Variants in UBE4B observed in about 807,000 individuals in gnomAD.
The protein encoded by UBE4B is ubiquitination factor E4B, also known as ubiquitin conjugation factor E4 B.
UBE4B carries 27 observed loss-of-function variants against 148.1 expected under a neutral mutation model. That is an observed-to-expected ratio of 0.18 (90% CI 0.13 to 0.25). The LOEUF (loss-of-function observed/expected upper bound fraction) is 0.25, where lower values mean the gene tolerates loss of function less well. UBE4B is among the 10% of genes least tolerant of loss of function. The pLI, the probability that UBE4B is intolerant of heterozygous loss-of-function variation, is 1.00. For synonymous variants in UBE4B, 596 were observed against 619.3 expected, an observed-to-expected ratio of 0.96 and a Z score of 0.56; for missense variants, 1,170 against 1,662.4, an observed-to-expected ratio of 0.70 and a Z score of 5.15.
At chr1:10,117,622 TAAA>T (rs77011101) in intron 8 of UBE4B, 22 bp downstream of exon 8, 3 of 1,211,640 alleles carry the variant, frequency 2.5e-6, no homozygotes, top group South Asian at 3.1e-5. Flanking sequence ...TGGATTAACT[TAAA>T]AAAAAAAAAG....
At chr1:10,105,825 G>C (rs944389960) in intron 6 of UBE4B, 81 bp downstream of exon 6, 7 of 1,337,092 alleles carry the variant, frequency 5.2e-6, no homozygotes, top group Non-Finnish European at 7.3e-6. Context: ...TTTGTTGACA[G>C]TGTTAATCAG....
At chr1:10,068,176 C>T (rs1180262100) in intron 1 of UBE4B, among the ~76,000 whole-genome samples, 2 of 151,554 alleles carry the variant, frequency 1.3e-5, no homozygotes, top group Non-Finnish European at 2.9e-5. Context: ...TTACAGGTGC[C>T]TACCACCACA....
intron 1 of UBE4B, among the ~76,000 whole-genome samples, chr1:10,039,363 A>G (rs1643670215): frequency 6.6e-6 from 1 of 152,004 alleles, no homozygotes; most frequent in South Asian, 2.1e-4. Context: ...GGTGGGTTTT[A>G]CCTCGGGTGT....
At chr1:10,071,188 A>T (rs1644478398) in intron 1 of UBE4B, among the ~76,000 whole-genome samples, 1 of 152,124 alleles carries the variant, frequency 6.6e-6, no homozygotes. Context: ...TACAGGCGTG[A>T]GCCACCACAC....
chr1:10,102,201 T>G (rs552062052), intron 4 of UBE4B, among the ~76,000 whole-genome samples: 4 of 151,988 alleles, frequency 2.6e-5, no homozygotes, highest in Non-Finnish European at 5.9e-5. Flanking sequence ...AAAATTCTTT[T>G]TTATATGCTG....
intron 7 of UBE4B, among the ~76,000 whole-genome samples, chr1:10,114,114 A>G (rs1025133011): frequency 2.0e-5 from 3 of 152,018 alleles, no homozygotes; most frequent in African/African-American, 7.2e-5. Flanking sequence ...CTTCCCAGAA[A>G]TGTAAAGATG....
chr1:10,103,198 T>A, intron 5 of UBE4B, 106 bp downstream of exon 5: 1 of 1,252,692 alleles, frequency 8.0e-7, no homozygotes, highest in Non-Finnish European at 1.1e-6. Context: ...GCTCTTGGGT[T>A]GTATTTTTGA....
intron 1 of UBE4B, among the ~76,000 whole-genome samples, chr1:10,045,769 A>G (rs1421834675): frequency 4.6e-5 from 7 of 152,072 alleles, no homozygotes; most frequent in Admixed American, 4.6e-4. Context: ...AGGGGGAGAA[A>G]GGGTCAAACA....
chr1:10,146,851 A>T, intron 18 of UBE4B, 112 bp from the exon 19 acceptor site: 2 of 1,333,132 alleles, frequency 1.5e-6, no homozygotes, highest in Non-Finnish European at 2.1e-6. Context: ...ATGAAGCTCT[A>T]GAAGCTCTGG....
At chr1:10,133,763 C>T (rs6673887) in intron 15 of UBE4B, among the ~76,000 whole-genome samples, 32,736 of 151,748 alleles carry the variant, frequency 0.22, 6,707 homozygotes, top group African/African-American at 0.54. Flanking sequence ...ATACAAAAGT[C>T]ATCTGGGCAT....
At chr1:10,102,873 A>G in intron 4 of UBE4B, 75 bp from the exon 5 acceptor site, 1 of 1,430,334 alleles carries the variant, frequency 7.0e-7, no homozygotes. Flanking sequence ...TTAAATCAGA[A>G]TAACGTATTC....
intron 1 of UBE4B, among the ~76,000 whole-genome samples, chr1:10,055,445 G>A (rs1644147405): frequency 6.6e-6 from 1 of 152,060 alleles, no homozygotes; most frequent in Admixed American, 6.6e-5. Context: ...CTCCTGAGTA[G>A]CTAGGACTAC....
chr1:10,041,529 T>C (rs1643763665), intron 1 of UBE4B, among the ~76,000 whole-genome samples: 1 of 151,830 alleles, frequency 6.6e-6, no homozygotes, highest in East Asian at 1.9e-4. Context: ...GAGATGGGGT[T>C]TCTCCAAGTT....
rs1646474815 is a variant in UBE4B, at chr1:10,179,489, C to T, written c.3774C>T (p.Ile1258=). 1 of 1,613,976 alleles carries T rather than the reference C, an allele frequency of 6.2e-7. No individual in the cohort carries two copies. The highest frequency in any genetic ancestry group is 8.5e-7 in the Non-Finnish European group (1 of 1,180,042). ...GCACCATCATGGACCGCTCCATCAT[C>T]CTGCGGCACCTGCTCAACTCCCCCA... The part of the protein sequence containing the change: ...PSGTIMDRSI[I]LRHLLNSPTD... The change falls in exon 27 of 28, where the codon ATC becomes ATT. Residue 1258 remains isoleucine, a synonymous_variant. Coordinates refer to ENST00000343090, the MANE Select transcript of UBE4B (RefSeq NM_001105562.3).
intron 26 of UBE4B, 148 bp from the exon 27 acceptor site, chr1:10,179,268 C>CTGATT (rs1646471679): frequency 1.0e-6 from 1 of 963,532 alleles, no homozygotes; most frequent in Admixed American, 2.7e-5. Context: ...TTATTGAAGG[C>CTGATT]TGATTTCCTT....
In UBE4B at chr1:10,121,956, C is replaced by A; in HGVS notation, c.1440-6C>A. 1 of 1,605,676 alleles carries A rather than the reference C, an allele frequency of 6.2e-7. No individual in the cohort carries two copies. Among genetic ancestry groups the A allele is most frequent in the Non-Finnish European group, 8.5e-7 (1 of 1,173,612 alleles). Reference sequence around the variant, plus strand: ...ATCACCGTCCCTAATGTTCATGGGTCCACAGGTCCTTGCAGCAGCCGTCCT... The same window carrying A: ...ATCACCGTCCCTAATGTTCATGGGTACACAGGTCCTTGCAGCAGCCGTCCT... On this transcript the variant is annotated splice_polypyrimidine_tract_variant and splice_region_variant and intron_variant, in intron 9 of 27. Transcript: ENST00000343090.
intron 1 of UBE4B, among the ~76,000 whole-genome samples, chr1:10,048,421 TA>T (rs1221363236): frequency 6.6e-6 from 1 of 152,194 alleles, no homozygotes; most frequent in Non-Finnish European, 1.5e-5. Flanking sequence ...TCATTGTATT[TA>T]AAATCATGAG....
At chr1:10,037,320 C>A (rs1009539380) in intron 1 of UBE4B, among the ~76,000 whole-genome samples, 1 of 152,058 alleles carries the variant, frequency 6.6e-6, no homozygotes, top group African/African-American at 2.4e-5. Flanking sequence ...AGCCACTGTG[C>A]CCGGTAGTCT....
intron 2 of UBE4B, among the ~76,000 whole-genome samples, chr1:10,076,176 A>G (rs1002410299): frequency 2.0e-5 from 3 of 151,896 alleles, no homozygotes; most frequent in South Asian, 4.2e-4. Flanking sequence ...TCTAATGGGT[A>G]GATTTATTAT....
Sources: allele counts gnomAD v4.1 joint callset (sites outside exome capture counted in the v4.1 genomes callset), GRCh38; gene constraint gnomAD v4.1.1; transcripts MANE v1.5; gene names NCBI Gene and HGNC (gene_info 2026-07-23, HGNC 2026-07-21).